OSBP2: variants seen among roughly 807,000 people sequenced by gnomAD.
The protein encoded by OSBP2 is oxysterol binding protein 2.
Under a neutral mutation model 96.0 loss-of-function variants are expected in OSBP2, and 66 were observed. That is an observed-to-expected ratio of 0.69 (90% CI 0.56 to 0.84). OSBP2 has a LOEUF of 0.84. OSBP2 is among the 40% of genes least tolerant of loss of function. The pLI is 0.00. For synonymous variants in OSBP2, 525 were observed against 520.9 expected, an observed-to-expected ratio of 1.01 and a Z score of -0.11; for missense variants, 1,038 against 1,222.7, an observed-to-expected ratio of 0.85 and a Z score of 2.25.
intron 1 of OSBP2, among the ~76,000 whole-genome samples, chr22:30,723,578 T>A (rs2089590658): frequency 6.6e-6 from 1 of 151,920 alleles, no homozygotes; most frequent in African/African-American, 2.4e-5. Context: ...CACGCCCAGA[T>A]AATTTTTGTA....
chr22:30,877,408 G>A (rs1380283861), intron 3 of OSBP2, among the ~76,000 whole-genome samples: 1 of 152,206 alleles, frequency 6.6e-6, no homozygotes, highest in Non-Finnish European at 1.5e-5. Context: ...GCCCACAGGT[G>A]CTCGGCCAGG....
intron 2 of OSBP2, among the ~76,000 whole-genome samples, chr22:30,774,551 C>T (rs1274955825): frequency 6.6e-6 from 1 of 152,210 alleles, no homozygotes; most frequent in Non-Finnish European, 1.5e-5. Context: ...GAAAACGCTT[C>T]AAGTTTTGTA....
At chr22:30,868,684 C>G (rs1383631188) in intron 2 of OSBP2, among the ~76,000 whole-genome samples, 1 of 152,212 alleles carries the variant, frequency 6.6e-6, no homozygotes, top group Non-Finnish European at 1.5e-5. Flanking sequence ...CTCCCTGCCT[C>G]CTGGCTGGAT....
intron 12 of OSBP2, among the ~76,000 whole-genome samples, chr22:30,901,385 A>C (rs2040190759): frequency 6.6e-6 from 1 of 152,188 alleles, no homozygotes; most frequent in Non-Finnish European, 1.5e-5. Flanking sequence ...AAGAACTTCT[A>C]ATCAACAATT....
At chr22:30,889,416 A>T in intron 6 of OSBP2, 74 bp from the exon 7 acceptor site, 2 of 1,566,344 alleles carry the variant, frequency 1.3e-6, no homozygotes, top group Non-Finnish European at 1.8e-6. Context: ...CTCAGGGTGG[A>T]GGGCAGAAAC....
intron 2 of OSBP2, among the ~76,000 whole-genome samples, chr22:30,863,976 G>GC (rs2039278895): frequency 7.0e-6 from 1 of 143,696 alleles, no homozygotes; most frequent in African/African-American, 2.5e-5. Flanking sequence ...TTTTTTTGTT[G>GC]TTTTTTTTTT....
chr22:30,899,631 TG>T (rs1428838127), intron 12 of OSBP2, among the ~76,000 whole-genome samples: 1 of 152,102 alleles, frequency 6.6e-6, no homozygotes, highest in Non-Finnish European at 1.5e-5. Context: ...TCCTAAACTG[TG>T]AGGCCAGGAT....
At chr22:30,714,077 C>T (rs1219479414) in intron 1 of OSBP2, among the ~76,000 whole-genome samples, 3 of 152,148 alleles carry the variant, frequency 2.0e-5, no homozygotes, top group African/African-American at 7.2e-5. Context: ...TCTATCCTTC[C>T]CAGCCTCTAA....
At position 30,695,045 on chromosome 22, in the gene OSBP2, TCCGGG is replaced by T; in HGVS notation, c.141_145del (p.Pro48AlafsTer40). 6.3e-7 allele frequency: 1 copy of T among 1,590,490 alleles called. No homozygotes were observed. Among genetic ancestry groups the T allele is most frequent in the Non-Finnish European group, 8.5e-7 (1 of 1,170,230 alleles). ...GGGCATGAGCGCTTCCACGTCCGGC[TCCGGG>T]CCGGAGCCCAAGCCCCAGCCCCAGC... On this transcript the variant is annotated frameshift_variant, in exon 1 of 14. Coordinates refer to ENST00000332585, the MANE Select transcript of OSBP2 (RefSeq NM_030758.4). LOFTEE classifies it high-confidence loss of function.
chr22:30,760,297 T>C (rs959678513), intron 2 of OSBP2, among the ~76,000 whole-genome samples: 1 of 151,926 alleles, frequency 6.6e-6, no homozygotes, highest in Non-Finnish European at 1.5e-5. Context: ...TTCTAACTCA[T>C]TTATAAGGAC....
chr22:30,717,675 TG>T (rs1430458740), intron 1 of OSBP2, among the ~76,000 whole-genome samples: 3 of 152,196 alleles, frequency 2.0e-5, no homozygotes, highest in East Asian at 3.8e-4. Context: ...TGACAAAGAT[TG>T]CTGGTTGAGA....
Position 30,791,552 on chromosome 22 carries a change from C to A in OSBP2, c.853+50183C>A, listed in dbSNP as rs185063204. Among the ~76,000 whole-genome samples, 3 of 151,900 alleles carry A rather than the reference C, an allele frequency of 2.0e-5. No homozygotes were observed. The South Asian group carries it at 6.2e-4, about 32-fold the overall frequency. On this transcript the variant is annotated intron_variant, in intron 2 of 13. Transcript: ENST00000332585. ...ATGTTGGCCAGGCTGGTCTCAAACT[C>A]CTGACCTGAAGTGATCCGCCCGCCT...
chr22:30,905,308 T>A (rs1266978365), intron 12 of OSBP2, among the ~76,000 whole-genome samples: 1 of 151,572 alleles, frequency 6.6e-6, no homozygotes, highest in South Asian at 2.1e-4. Flanking sequence ...CCTGCCACCA[T>A]GCCCAGCTAA....
chr22:30,751,839 A>G (rs1449231946), intron 2 of OSBP2, among the ~76,000 whole-genome samples: 3 of 152,202 alleles, frequency 2.0e-5, no homozygotes, highest in African/African-American at 4.8e-5. Context: ...GTCCAACAAC[A>G]TGTGTCGACC....
chr22:30,818,837 G>A (rs990118015), intron 2 of OSBP2, among the ~76,000 whole-genome samples: 2 of 152,202 alleles, frequency 1.3e-5, no homozygotes, highest in Non-Finnish European at 2.9e-5. Flanking sequence ...ATAGACATGG[G>A]AGGAAAGCAA....
At chr22:30,756,913 G>T (rs1202936402) in intron 2 of OSBP2, among the ~76,000 whole-genome samples, 1 of 152,042 alleles carries the variant, frequency 6.6e-6, no homozygotes, top group African/African-American at 2.4e-5. Flanking sequence ...ATGCTATGCA[G>T]CCACGTTCTG....
intron 1 of OSBP2, among the ~76,000 whole-genome samples, chr22:30,711,371 T>A (rs546600233): frequency 6.6e-6 from 1 of 152,078 alleles, no homozygotes; most frequent in Non-Finnish European, 1.5e-5. Context: ...TGGCTCGGTA[T>A]AAAGCAAACA....
At chr22:30,759,891 G>A (rs1242204596) in intron 2 of OSBP2, among the ~76,000 whole-genome samples, 3 of 150,922 alleles carry the variant, frequency 2.0e-5, no homozygotes, top group Non-Finnish European at 2.9e-5. Context: ...ACAGTGTCTC[G>A]CTCTGTTGCC....
intron 1 of OSBP2, among the ~76,000 whole-genome samples, chr22:30,697,364 C>T (rs760572121): frequency 3.3e-5 from 5 of 152,048 alleles, no homozygotes; most frequent in African/African-American, 1.2e-4. Flanking sequence ...CTGCAACCTC[C>T]GCCTCCCAGG....
Sources: allele counts gnomAD v4.1 joint callset (sites outside exome capture counted in the v4.1 genomes callset), GRCh38; gene constraint gnomAD v4.1.1; transcripts MANE v1.5; gene names NCBI Gene and HGNC (gene_info 2026-07-23, HGNC 2026-07-21).